The following MEF2C variants were observed in gnomAD, a reference collection of about 807,000 sequenced individuals.
MEF2C encodes myocyte enhancer factor 2C, also known as myocyte-specific enhancer factor 2C.
A neutral mutation model predicts 50.5 loss-of-function variants in MEF2C; 6 were observed. The ratio of observed to expected loss-of-function variants is 0.12; its 90% confidence interval spans 0.07 to 0.23. The LOEUF is 0.23. MEF2C is among the 10% of genes least tolerant of loss of function. The pLI is 1.00. For missense variants in MEF2C, 276 were observed against 605.0 expected (o/e 0.46, Z 5.70); for synonymous variants, 183 against 228.0 (o/e 0.80, Z 1.78).
chr5:88,811,070 T>G (rs538172740), intron 2 of MEF2C, among the ~76,000 whole-genome samples: 2 of 152,150 alleles, frequency 1.3e-5, no homozygotes, highest in East Asian at 1.9e-4. Flanking sequence ...CTGATCTTTT[T>G]GTTTGTCAGA....
intron 1 of MEF2C, among the ~76,000 whole-genome samples, chr5:88,830,922 A>AT (rs768855173): frequency 9.1e-4 from 139 of 152,226 alleles, no homozygotes; most frequent in Non-Finnish European, 1.5e-3. Flanking sequence ...TTATTGAACA[A>AT]AGCAAGTTAA....
chr5:88,823,428 C>T (rs1441303160), intron 2 of MEF2C, among the ~76,000 whole-genome samples: 1 of 152,000 alleles, frequency 6.6e-6, no homozygotes, highest in Admixed American at 6.6e-5. Context: ...TGCAATGTAG[C>T]AATGTTATGC....
intron 2 of MEF2C, among the ~76,000 whole-genome samples, chr5:88,810,868 T>C (rs1802483817): frequency 6.6e-6 from 1 of 151,926 alleles, no homozygotes; most frequent in African/African-American, 2.4e-5. Context: ...GTGATAAGAG[T>C]CTATATCCAT....
At chr5:88,875,810 A>T (rs1830874813) in intron 1 of MEF2C, among the ~76,000 whole-genome samples, 1 of 151,910 alleles carries the variant, frequency 6.6e-6, no homozygotes, top group Non-Finnish European at 1.5e-5. Context: ...TAGGGCTGAA[A>T]TCACTCCGAG....
chr5:88,737,400 A>G (rs1020453863), intron 6 of MEF2C: 1 of 985,392 alleles, frequency 1.0e-6, no homozygotes, highest in African/African-American at 1.7e-5. Flanking sequence ...TTCACAGCAC[A>G]TTACCTTAGC....
chr5:88,838,680 C>T (rs902104695), intron 1 of MEF2C: 2 of 985,216 alleles, frequency 2.0e-6, no homozygotes, highest in Non-Finnish European at 1.2e-6. Flanking sequence ...CTAACCAGCT[C>T]TGGTATGACC....
chr5:88,819,602 C>A (rs1807265378), intron 2 of MEF2C, among the ~76,000 whole-genome samples: 1 of 151,974 alleles, frequency 6.6e-6, no homozygotes. Flanking sequence ...CTTCCTCAGG[C>A]CTTTCTCCAA....
chr5:88,766,913 C>T, intron 3 of MEF2C: 1 of 632,102 alleles, frequency 1.6e-6, no homozygotes, highest in Non-Finnish European at 2.0e-6. Flanking sequence ...TCGTTCACAG[C>T]TTTATGAAGA....
chr5:88,796,758 A>C (rs995513948), intron 3 of MEF2C, among the ~76,000 whole-genome samples: 3 of 152,156 alleles, frequency 2.0e-5, no homozygotes, highest in Non-Finnish European at 4.4e-5. Context: ...GTAGGCATTC[A>C]GTGCTATAAA....
At chr5:88,735,347 T>G in intron 6 of MEF2C, 1 of 985,416 alleles carries the variant, frequency 1.0e-6, no homozygotes, top group Non-Finnish European at 1.2e-6. Context: ...TTCAACCTTT[T>G]TTCATGCTAT....
At chr5:88,738,954 T>C in intron 6 of MEF2C, 1 of 982,156 alleles carries the variant, frequency 1.0e-6, no homozygotes, top group Non-Finnish European at 1.2e-6. Context: ...ACTTTTAGTG[T>C]GCTATTTTGA....
intron 1 of MEF2C, among the ~76,000 whole-genome samples, chr5:88,891,014 C>A (rs1356749211): frequency 6.6e-6 from 1 of 152,128 alleles, no homozygotes; most frequent in Non-Finnish European, 1.5e-5. Flanking sequence ...GGCAAGAGTA[C>A]CCTTTTACAA....
At chr5:88,893,745 T>C (rs1834835693) in intron 1 of MEF2C, among the ~76,000 whole-genome samples, 1 of 146,178 alleles carries the variant, frequency 6.8e-6, no homozygotes, top group Admixed American at 6.8e-5. Flanking sequence ...AATATTCTAA[T>C]TTCTTAGGAA....
At chr5:88,793,552 T>A (rs1794737844) in intron 3 of MEF2C, among the ~76,000 whole-genome samples, 1 of 152,052 alleles carries the variant, frequency 6.6e-6, no homozygotes, top group African/African-American at 2.4e-5. Flanking sequence ...AGAAGGAAAA[T>A]CTGCAAATGA....
chr5:88,881,436 G>A (rs1681258061), intron 1 of MEF2C, among the ~76,000 whole-genome samples: 1 of 152,110 alleles, frequency 6.6e-6, no homozygotes, highest in Non-Finnish European at 1.5e-5. Flanking sequence ...AACTGATGGA[G>A]AAACAAAAAT....
intron 3 of MEF2C, chr5:88,770,111 G>C: frequency 3.6e-6 from 2 of 553,396 alleles, no homozygotes; most frequent in Non-Finnish European, 4.6e-6. Flanking sequence ...GAGGAAAGGA[G>C]TAAATTAATA....
chr5:88,855,098 C>T (rs1822818453), intron 1 of MEF2C, among the ~76,000 whole-genome samples: 1 of 152,126 alleles, frequency 6.6e-6, no homozygotes, highest in Non-Finnish European at 1.5e-5. Flanking sequence ...CTGAAGAATC[C>T]TGAAGAAGAG....
At chr5:88,841,448 A>G (rs1236329606) in intron 1 of MEF2C, among the ~76,000 whole-genome samples, 1 of 151,314 alleles carries the variant, frequency 6.6e-6, no homozygotes, top group African/African-American at 2.4e-5. Flanking sequence ...TTCAGGCTGC[A>G]GTGAGATGTG....
chr5:88,768,562 GA>G (rs1341897094), intron 3 of MEF2C: 1 of 331,208 alleles, frequency 3.0e-6, no homozygotes, highest in Non-Finnish European at 4.3e-6. Context: ...TAGAGGTTAG[GA>G]ATAGTTTATT....
Sources: allele counts gnomAD v4.1 joint callset (sites outside exome capture counted in the v4.1 genomes callset), GRCh38; gene constraint gnomAD v4.1.1; transcripts MANE v1.5; gene names NCBI Gene and HGNC (gene_info 2026-07-23, HGNC 2026-07-21).